The following TBL1Y variants were observed in gnomAD, a reference collection of about 807,000 sequenced individuals.
The protein encoded by TBL1Y is transducin beta like 1 Y-linked.
Under a neutral mutation model 12.0 loss-of-function variants are expected in TBL1Y, and 15 were observed. That is an observed-to-expected ratio of 1.25 (90% CI 0.83 to 1.92). The LOEUF (loss-of-function observed/expected upper bound fraction) is 1.92, where lower values mean the gene tolerates loss of function less well. Ranked by LOEUF, TBL1Y falls within the 40% of genes most tolerant of loss-of-function variation. The pLI is 0.00. For synonymous variants in TBL1Y, 53 were observed against 42.6 expected (o/e 1.24, Z -0.95); for missense variants, 148 against 116.7 (o/e 1.27, Z -1.24).
chrY:6,991,694 G>A (rs1043192376), intron 3 of TBL1Y, among the ~76,000 whole-genome samples: 4 of 33,533 alleles, frequency 1.2e-4, no homozygotes, highest in Admixed American at 1.1e-3. Flanking sequence ...TCTGAATTCT[G>A]TATTCCAGAA....
At chrY:6,993,957 A>G (rs2012393040) in intron 3 of TBL1Y, among the ~76,000 whole-genome samples, 1 of 32,973 alleles carries the variant, frequency 3.0e-5, no homozygotes, top group Admixed American at 2.8e-4. Flanking sequence ...TTTTGACCAT[A>G]TACAAATACA....
chrY:6,980,095 A>G, intron 3 of TBL1Y, among the ~76,000 whole-genome samples: 6 of 33,326 alleles, frequency 1.8e-4, no homozygotes, highest in Non-Finnish European at 4.4e-4. Context: ...CACCTCCAAC[A>G]TAGGAAATTG....
At position 7,033,694 on chromosome Y, in the gene TBL1Y, C is replaced by T. The variant is rs901884452; in HGVS notation, c.58+8552C>T. ...GGTTCAACATACACAAATCAGTAAACGTAATTCATCACATAAACGGAACCC... is the reference window on the plus strand; with the variant it reads ...GGTTCAACATACACAAATCAGTAAATGTAATTCATCACATAAACGGAACCC... On this transcript the variant is annotated intron_variant, in intron 6 of 18. Transcript: ENST00000383032. Among the ~76,000 whole-genome samples the T allele has an allele frequency of 1.2e-4, 4 of 33,527 alleles. No individual in the cohort carries two copies. The South Asian group carries it at 2.7e-3, about 23-fold the overall frequency. The allele number at this position is 33,527 out of a possible 37,273, so 89.9% of individuals were successfully genotyped here. A position where few individuals can be genotyped will look rare whatever the true frequency, so the allele number is the denominator to read the frequency against.
At chrY:6,953,284 G>C (rs751861346) in intron 2 of TBL1Y, among the ~76,000 whole-genome samples, 1 of 33,706 alleles carries the variant, frequency 3.0e-5, no homozygotes, top group East Asian at 8.0e-4. Flanking sequence ...TTCCAACTTG[G>C]TTCCATTCTC....
intron 2 of TBL1Y, among the ~76,000 whole-genome samples, chrY:6,917,027 G>T (rs2011739355): frequency 2.9e-5 from 1 of 34,421 alleles, no homozygotes; most frequent in Non-Finnish European, 7.3e-5. Flanking sequence ...CACAGAGAAT[G>T]GTTTGGCCTC....
chrY:6,970,642 T>G, intron 2 of TBL1Y, among the ~76,000 whole-genome samples: 1 of 33,931 alleles, frequency 2.9e-5, no homozygotes, highest in Non-Finnish European at 7.3e-5. Flanking sequence ...GACTTCTGTC[T>G]TTTCACTGTG....
intron 2 of TBL1Y, among the ~76,000 whole-genome samples, chrY:6,933,939 T>C: frequency 6.0e-5 from 2 of 33,176 alleles, no homozygotes; most frequent in South Asian, 7.0e-4. Context: ...CATAATGAAG[T>C]TGAAGGAATA....
At chrY:7,034,512 A>G (rs780207407) in intron 6 of TBL1Y, among the ~76,000 whole-genome samples, 2 of 33,902 alleles carry the variant, frequency 5.9e-5, no homozygotes, top group African/African-American at 1.1e-4. Flanking sequence ...AAAAGAGCCC[A>G]TATAGCCAAG....
At chrY:6,937,461 C>T (rs977997551) in intron 2 of TBL1Y, among the ~76,000 whole-genome samples, 1 of 32,917 alleles carries the variant, frequency 3.0e-5, no homozygotes, top group Non-Finnish European at 7.4e-5. Context: ...ATTTCAGTCT[C>T]GGAAGACTGA....
rs751439027 is a variant in TBL1Y at position 6,965,277 on chromosome Y, A to G, written c.-265-12936A>G. ...GGTTCAGGATATATTACTTCCTGTA[A>G]CTGATTATAGTCAACATTTTGCCTT... On this transcript the variant is annotated intron_variant, in intron 2 of 18. Coordinates refer to ENST00000383032, the MANE Select transcript of TBL1Y (RefSeq NM_033284.2). 2.4e-4 allele frequency among the ~76,000 whole-genome samples: 8 copies of G among 32,995 alleles called. No homozygotes were observed. The East Asian group carries it at 6.5e-3, about 27-fold the overall frequency. 88.5% of individuals were successfully genotyped at this position (32,995 alleles called of 37,273 possible).
chrY:6,960,605 G>T (rs2012118018), intron 2 of TBL1Y, among the ~76,000 whole-genome samples: 1 of 33,372 alleles, frequency 3.0e-5, no homozygotes, highest in Admixed American at 2.7e-4. Context: ...GGATTAGCGG[G>T]CCAGACAGAT....
At chrY:6,922,536 T>C (rs2011788412) in intron 2 of TBL1Y, among the ~76,000 whole-genome samples, 1 of 33,799 alleles carries the variant, frequency 3.0e-5, no homozygotes, top group African/African-American at 1.2e-4. Context: ...TACAGTCCTT[T>C]AGCTAGACAC....
chrY:7,051,293 G>A, intron 7 of TBL1Y, among the ~76,000 whole-genome samples: 1 of 33,569 alleles, frequency 3.0e-5, no homozygotes, highest in South Asian at 6.8e-4. Flanking sequence ...CCTGAAGTCA[G>A]GAGTTCTAGA....
chrY:7,016,730 G>A, intron 4 of TBL1Y, among the ~76,000 whole-genome samples: 2 of 33,661 alleles, frequency 5.9e-5, no homozygotes, highest in Admixed American at 5.4e-4. Flanking sequence ...TGTCCATCCC[G>A]TTTGTTGGCC....
chrY:7,001,391 G>C, intron 4 of TBL1Y, among the ~76,000 whole-genome samples: 1 of 32,879 alleles, frequency 3.0e-5, no homozygotes, highest in African/African-American at 1.2e-4. Flanking sequence ...ATGCCGAGGC[G>C]GGTAGATCAC....
intron 2 of TBL1Y, among the ~76,000 whole-genome samples, chrY:6,973,607 CG>C (rs2012221799): frequency 3.0e-5 from 1 of 33,513 alleles, no homozygotes; most frequent in South Asian, 6.9e-4. Context: ...GATATATCCT[CG>C]CTTCTTAACA....
chrY:7,026,130 T>C (rs2012622581), intron 6 of TBL1Y, among the ~76,000 whole-genome samples: 1 of 33,447 alleles, frequency 3.0e-5, no homozygotes, highest in East Asian at 8.0e-4. Context: ...GCAAACGTGA[T>C]CAAGTATGTG....
At chrY:7,052,858 T>C in intron 7 of TBL1Y, among the ~76,000 whole-genome samples, 3 of 34,335 alleles carry the variant, frequency 8.7e-5, no homozygotes, top group African/African-American at 3.4e-4. Flanking sequence ...TAAAGTACAT[T>C]GATTTCTTTA....
intron 4 of TBL1Y, among the ~76,000 whole-genome samples, chrY:7,009,755 G>T: frequency 6.0e-5 from 2 of 33,192 alleles, no homozygotes; most frequent in Non-Finnish European, 1.5e-4. Flanking sequence ...CCTAAAATTG[G>T]CTGGGCACGG....
Sources: gnomAD v4.1 joint callset for allele counts (sites outside exome capture counted in the v4.1 genomes callset) on GRCh38, gnomAD v4.1.1 for gene constraint, MANE v1.5 for transcripts, NCBI Gene and HGNC (gene_info 2026-07-23, HGNC 2026-07-21) for gene names.